Variants in POLA1 observed in about 807,000 individuals in gnomAD.
The protein encoded by POLA1 is DNA polymerase alpha catalytic subunit.
In POLA1, 15 loss-of-function variants were observed where a neutral mutation model predicts 124.0. The observed-to-expected ratio is 0.12, with a 90% CI of 0.08 to 0.19. POLA1 has a LOEUF of 0.19. POLA1 is among the 10% of genes least tolerant of loss of function. The probability of loss-of-function intolerance (pLI) is 1.00; values close to 1 mark genes in which losing one functional copy is unlikely to be tolerated. For missense variants in POLA1, 886 were observed against 1,103.4 expected, an observed-to-expected ratio of 0.80 and a Z score of 2.79; for synonymous variants, 408 against 389.4, an observed-to-expected ratio of 1.05 and a Z score of -0.56.
At chrX:24,736,326 T>G (rs962897596) in intron 18 of POLA1, among the ~76,000 whole-genome samples, 1 of 111,931 alleles carries the variant, frequency 8.9e-6, no homozygotes, top group African/African-American at 3.2e-5. Flanking sequence ...CTGCACCCAC[T>G]TCCCTTATGA....
intron 35 of POLA1, among the ~76,000 whole-genome samples, chrX:24,909,738 T>G (rs1487707833): frequency 9.0e-6 from 1 of 111,292 alleles, no homozygotes; most frequent in Non-Finnish European, 1.9e-5. Flanking sequence ...TGGTTCCATA[T>G]GAACTTTAAA....
At chrX:24,698,681 TTC>T (rs1928196587) in intron 1 of POLA1, among the ~76,000 whole-genome samples, 1 of 111,504 alleles carries the variant, frequency 9.0e-6, no homozygotes. Context: ...GAGATGGAGT[TTC>T]TCTCTTTTTG....
intron 35 of POLA1, among the ~76,000 whole-genome samples, chrX:24,923,114 C>T (rs1249604611): frequency 9.0e-6 from 1 of 111,333 alleles, no homozygotes; most frequent in South Asian, 3.8e-4. Flanking sequence ...TGAAGCCAGC[C>T]GTGTCTCCTC....
intron 26 of POLA1, among the ~76,000 whole-genome samples, chrX:24,796,949 T>C (rs190351551): frequency 2.7e-5 from 3 of 111,696 alleles, no homozygotes; most frequent in African/African-American, 9.8e-5. Context: ...CATTCTTGAC[T>C]CCTATCTCTT....
chrX:24,946,947 C>T (rs916230805), intron 36 of POLA1, among the ~76,000 whole-genome samples: 8 of 111,858 alleles, frequency 7.2e-5, no homozygotes, highest in Non-Finnish European at 1.1e-4. Context: ...CCCATACCAT[C>T]TCCTCATTCC....
intron 36 of POLA1, among the ~76,000 whole-genome samples, chrX:24,991,658 C>G (rs911914413): frequency 3.6e-5 from 4 of 112,654 alleles, no homozygotes; most frequent in African/African-American, 1.3e-4. Flanking sequence ...GAATTATAAT[C>G]ACACTTCTAA....
At chrX:24,902,159 C>T (rs1455097250) in intron 35 of POLA1, among the ~76,000 whole-genome samples, 1 of 111,907 alleles carries the variant, frequency 8.9e-6, no homozygotes, top group Non-Finnish European at 1.9e-5. Context: ...TTAACAACTG[C>T]TGTACTAATT....
At chrX:24,868,962 G>T (rs748263455) in intron 34 of POLA1, among the ~76,000 whole-genome samples, 1 of 112,055 alleles carries the variant, frequency 8.9e-6, no homozygotes, top group African/African-American at 3.2e-5. Flanking sequence ...TTTAAGGCAG[G>T]TCTCACTCTG....
At chrX:24,813,601 GTCAGGAGT>G (rs774977411) in intron 29 of POLA1, among the ~76,000 whole-genome samples, 55 of 112,027 alleles carry the variant, frequency 4.9e-4, no homozygotes, top group Non-Finnish European at 1.7e-4. Flanking sequence ...ATCACTTGAG[GTCAGGAGT>G]TGGAGACCAA....
intron 34 of POLA1, among the ~76,000 whole-genome samples, chrX:24,868,536 A>G (rs1410121731): frequency 1.8e-5 from 2 of 112,190 alleles, no homozygotes; most frequent in Admixed American, 9.4e-5. Context: ...AACAGTATCT[A>G]TGAATTCTCT....
In POLA1 at chrX:24,952,010, A is replaced by G. The variant is rs756241316; in HGVS notation, c.4261+21461A>G. ...TTCCACTCGCATGCAAAACTCATGC[A>G]CGAGTTAGGGGGTATCATTTATTAG... On this transcript the variant is annotated intron_variant, in intron 36 of 36. Coordinates refer to ENST00000379068, the MANE Select transcript of POLA1 (RefSeq NM_001330360.2). Among the ~76,000 whole-genome samples the G allele has an allele frequency of 1.2e-4, 14 of 112,046 alleles. No homozygotes were observed. In the East Asian group the frequency reaches 3.6e-3, roughly 29 times the overall value.
At chrX:24,760,192 T>G (rs1050077663) in intron 26 of POLA1, among the ~76,000 whole-genome samples, 2 of 112,400 alleles carry the variant, frequency 1.8e-5, no homozygotes, top group African/African-American at 6.5e-5. Flanking sequence ...GGAAGAATAA[T>G]CATATAACTT....
intron 30 of POLA1, among the ~76,000 whole-genome samples, chrX:24,815,949 A>G (rs2045983248): frequency 8.9e-6 from 1 of 112,177 alleles, no homozygotes. Flanking sequence ...TTCATTTAAC[A>G]TAAACATTTT....
rs781603224 is a variant in POLA1, at chrX:24,714,557, A to G, written c.350A>G (p.Lys117Arg). Residue 117 changes from lysine to arginine, a missense_variant, in exon 5 of 37, where the codon AAA becomes AGA. Lys to Arg is a conservative substitution (Grantham distance 26). Coordinates refer to ENST00000379068, the MANE Select transcript of POLA1 (RefSeq NM_001330360.2). Reference protein sequence around the residue: ...DDALDADEKGKDGKARNKDKR... With the variant: ...DDALDADEKGRDGKARNKDKR... ...TAAATAATTCATATTCCAATAGGAA[A>G]AGATGGTAAAGCACGCAATAAAGAC... The G allele has an allele frequency of 2.6e-6, 3 of 1,153,840 alleles. No homozygotes were observed. The Admixed American group carries it at 7.0e-5, about 27-fold the overall frequency.
chrX:24,972,652 A>G (rs1281298065), intron 36 of POLA1, among the ~76,000 whole-genome samples: 1 of 112,015 alleles, frequency 8.9e-6, no homozygotes, highest in Non-Finnish European at 1.9e-5. Context: ...CACTGTTTGG[A>G]TGAGGAAGGG....
At chrX:24,705,935 C>T (rs1928774909) in intron 4 of POLA1, among the ~76,000 whole-genome samples, 1 of 112,009 alleles carries the variant, frequency 8.9e-6, no homozygotes, top group South Asian at 3.7e-4. Flanking sequence ...TCACTTGTAC[C>T]ATTATTGTTG....
At chrX:24,808,828 A>G (rs1307151760) in intron 26 of POLA1, among the ~76,000 whole-genome samples, 1 of 112,067 alleles carries the variant, frequency 8.9e-6, no homozygotes, top group African/African-American at 3.2e-5. Context: ...TTAGTTGACA[A>G]GGAGGACTAT....
At chrX:24,917,360 G>T (rs1307273528) in intron 35 of POLA1, among the ~76,000 whole-genome samples, 3 of 109,959 alleles carry the variant, frequency 2.7e-5, no homozygotes, top group African/African-American at 6.6e-5. Context: ...TGCCATTATT[G>T]TCCTGGCAAA....
intron 36 of POLA1, among the ~76,000 whole-genome samples, chrX:24,944,080 T>C (rs957873780): frequency 1.8e-5 from 2 of 112,111 alleles, no homozygotes; most frequent in African/African-American, 6.5e-5. Context: ...CTCAACAAGA[T>C]TAGCTGACTA....
Sources: gnomAD v4.1 joint callset for allele counts (sites outside exome capture counted in the v4.1 genomes callset) on GRCh38, gnomAD v4.1.1 for gene constraint, MANE v1.5 for transcripts, NCBI Gene and HGNC (gene_info 2026-07-23, HGNC 2026-07-21) for gene names.